Variants in CTU2 observed in about 807,000 individuals in gnomAD.
CTU2 encodes the protein cytosolic thiouridylase subunit 2, also known as cytoplasmic tRNA 2-thiolation protein 2.
CTU2 carries 80 observed loss-of-function variants against 64.1 expected under a neutral mutation model. The observed-to-expected ratio is 1.25, with a 90% CI of 1.04 to 1.50. The LOEUF (loss-of-function observed/expected upper bound fraction) is 1.50, where lower values mean the gene tolerates loss of function less well. Among genes scored for constraint, CTU2 ranks in the 40% most tolerant of loss-of-function variants. The pLI is 0.00. For missense variants in CTU2, 1,110 were observed against 690.2 expected, an observed-to-expected ratio of 1.61 and a Z score of -6.81; for synonymous variants, 482 against 285.3, an observed-to-expected ratio of 1.69 and a Z score of -6.95.
chr16:88,715,025 C>G lies in CTU2; in HGVS notation c.1420-23C>G, dbSNP rs183865528. 3.1e-4 allele frequency: 492 copies of G among 1,579,170 alleles called. 1 individual carries two copies. In the African/African-American group the frequency reaches 5.9e-3, roughly 19 times the overall value. ...GGGGTGCTGGCAGGTTTCTTGGCCC[C>G]TCGACACCGGCCTCTGTTGCAGCCC... On this transcript the variant is annotated intron_variant, in intron 13 of 14. Coordinates refer to ENST00000453996, the MANE Select transcript of CTU2 (RefSeq NM_001012759.3).
intron 9 of CTU2, 77 bp downstream of exon 9, chr16:88,713,855 G>C: frequency 1.9e-6 from 3 of 1,577,098 alleles, no homozygotes; most frequent in South Asian, 2.3e-5. Flanking sequence ...GCCTCTCACA[G>C]GCTCAGGTCA....
chr16:88,714,017 C>G, intron 9 of CTU2, 119 bp from the exon 10 acceptor site: 9 of 1,136,282 alleles, frequency 7.9e-6, no homozygotes, highest in East Asian at 2.4e-5. Flanking sequence ...GCAGTCGCAG[C>G]AAAGCCAGAC....
intron 7 of CTU2, 34 bp from the exon 8 acceptor site, chr16:88,713,256 GCCCCCCTTCCCCGGGTCCTGCA>G (rs1158774343): frequency 3.9e-6 from 5 of 1,284,272 alleles, no homozygotes; most frequent in Non-Finnish European, 5.3e-6. Context: ...ATACCCGAGA[GCCCCCCTTCCCCGGGTCCTGCA>G]CCCCCCAGGC....
chr16:88,709,828 T>C, intron 2 of CTU2, 110 bp from the exon 3 acceptor site: 1 of 928,794 alleles, frequency 1.1e-6, no homozygotes, highest in Non-Finnish European at 1.7e-6. Flanking sequence ...GTGAAGATGC[T>C]GCTTTTAAAG....
intron 2 of CTU2, among the ~76,000 whole-genome samples, chr16:88,708,626 C>T (rs530164159): frequency 5.9e-5 from 9 of 152,274 alleles, no homozygotes; most frequent in African/African-American, 1.7e-4. Flanking sequence ...TGCTGTTAAA[C>T]ACAGACTTGC....
chr16:88,714,068 G>A (rs1911631718), intron 9 of CTU2, 68 bp from the exon 10 acceptor site: 3 of 1,473,386 alleles, frequency 2.0e-6, no homozygotes, highest in Non-Finnish European at 2.8e-6. Flanking sequence ...CACCTGTCCT[G>A]GGGACTCTGC....
rs201768632 is a variant in CTU2 at position 88,714,263 on chromosome 16, G to A, written c.1097+36G>A. Reference sequence around the variant, plus strand: ...GTGTGGGTGTGTGCGGGGGGTGCGCGGGTGTGTGCTGTGCGCGGGTGTGTG... The same window carrying A: ...GTGTGGGTGTGTGCGGGGGGTGCGCAGGTGTGTGCTGTGCGCGGGTGTGTG... On this transcript the variant is annotated intron_variant, in intron 10 of 14. Coordinates refer to ENST00000453996, the MANE Select transcript of CTU2 (RefSeq NM_001012759.3). 528 of 1,598,200 alleles carry A rather than the reference G, an allele frequency of 3.3e-4. 1 individual carries two copies. In the African/African-American group the frequency reaches 5.8e-3, roughly 18 times the overall value.
In CTU2 at chr16:88,714,669, AC is replaced by A; in HGVS notation, c.1289del (p.Pro430ArgfsTer39). 1 of 1,611,686 alleles carries A rather than the reference AC, an allele frequency of 6.2e-7. No individual in the cohort carries two copies. The highest frequency in any genetic ancestry group is 8.5e-7 in the Non-Finnish European group (1 of 1,179,640). The part of the protein sequence containing the change: ...SPIPLTETRT[P>X]PGPCCSPGVG... ...CCATCCCCCTGACTGAGACCCGGAC[AC>A]CCCCGGGGCCCTGCTGTTCTCCAGG... On this transcript the variant is annotated frameshift_variant, in exon 12 of 15. Transcript: ENST00000453996. LOFTEE classifies it high-confidence loss of function.
At position 88,714,065 on chromosome 16, in the gene CTU2, C is replaced by A. The variant is rs569895054; in HGVS notation, c.1006-71C>A. ...GCAGCGTGGAACCCACGGCACCTGT[C>A]CTGGGGACTCTGCCCCAGCCTGGGG... is the stretch of plus-strand genomic sequence containing the variant. On this transcript the variant is annotated intron_variant, in intron 9 of 14. Transcript: ENST00000453996. The A allele has an allele frequency of 4.3e-4, 633 of 1,460,874 alleles. 4 individuals carry two copies. In the African/African-American group the frequency reaches 7.5e-3, roughly 17 times the overall value. The allele number at this position is 1,460,874 out of a possible 1,614,324, so 90.5% of individuals were successfully genotyped here.
At chr16:88,710,142 C>G (rs987697680) in intron 3 of CTU2, 81 bp from the exon 4 acceptor site, 2 of 1,580,198 alleles carry the variant, frequency 1.3e-6, no homozygotes, top group East Asian at 2.2e-5. Context: ...AGGACAGACT[C>G]GATGTCCTAG....
rs1266254832 is a variant in CTU2 at position 88,715,163 on chromosome 16, A to G, written c.1479-19A>G. ...GTAAGGGGCCTCGGGGCTGGTGCCC[A>G]CTGCAGCTTTCTCTCTAGGGCCTGG... On this transcript the variant is annotated intron_variant, in intron 14 of 14. Transcript: ENST00000453996. The G allele has an allele frequency of 5.6e-6, 9 of 1,611,116 alleles. No individual in the cohort carries two copies. The highest frequency in any genetic ancestry group is 7.6e-6 in the Non-Finnish European group (9 of 1,179,246).
rs199704078 is a variant in CTU2 at position 88,715,270 on chromosome 16, C to G, written c.*19C>G. 6.2e-7 allele frequency: 1 copy of G among 1,608,228 alleles called. No homozygotes were observed. The highest frequency in any genetic ancestry group is 8.5e-7 in the Non-Finnish European group (1 of 1,179,046). On this transcript the variant is annotated 3_prime_UTR_variant, in exon 15 of 15. Coordinates refer to ENST00000453996, the MANE Select transcript of CTU2 (RefSeq NM_001012759.3). ...GAGCTGAGCGTGAGGACGTGCTTGC[C>G]GGGACAGCAGGCAGTGGCCACCTGG...
chr16:88,714,850 G>T lies in CTU2; in HGVS notation c.1353-10G>T. 1.2e-6 allele frequency: 2 copies of T among 1,612,536 alleles called. No homozygotes were observed. The highest frequency in any genetic ancestry group is 1.7e-6 in the Non-Finnish European group (2 of 1,179,850). On this transcript the variant is annotated splice_polypyrimidine_tract_variant and intron_variant, in intron 12 of 14. Coordinates refer to ENST00000453996, the MANE Select transcript of CTU2 (RefSeq NM_001012759.3). ...CCAAGGTGGGCACACAGCCAGCTCTGCTCCCGCAGGGAGGACCCCCAAGCC... is the reference window on the plus strand; with the variant it reads ...CCAAGGTGGGCACACAGCCAGCTCTTCTCCCGCAGGGAGGACCCCCAAGCC...
At chr16:88,707,024 C>T (rs1053238352) in intron 1 of CTU2, 112 bp from the exon 2 acceptor site, 9 of 1,065,668 alleles carry the variant, frequency 8.4e-6, no homozygotes, top group Non-Finnish European at 8.7e-6. Flanking sequence ...ACCGAGGTGC[C>T]TTTCTCTGAC....
At chr16:88,712,477 A>G in intron 6 of CTU2, 94 bp downstream of exon 6, 1 of 1,446,150 alleles carries the variant, frequency 6.9e-7, no homozygotes, top group South Asian at 1.3e-5. Context: ...CTCATCCCAG[A>G]AGGCGGGGCT....
intron 4 of CTU2, 143 bp downstream of exon 4, chr16:88,710,425 T>G: frequency 1.3e-6 from 1 of 760,576 alleles, no homozygotes; most frequent in Non-Finnish European, 2.2e-6. Flanking sequence ...GGTTCTCAGA[T>G]GTGTTCACAA....
Position 88,713,782 on chromosome 16 carries a change from G to T in CTU2, c.1005+4G>T, listed in dbSNP as rs1191849518. 6.2e-7 allele frequency: 1 copy of T among 1,612,396 alleles called. No homozygotes were observed. The highest frequency in any genetic ancestry group is 8.5e-7 in the Non-Finnish European group (1 of 1,179,660). ...CACACCAGCCGTCGACACCAAGGTG[G>T]GCCTTGTGGGCTGGGCAACCTCTCT... On this transcript the variant is annotated splice_donor_region_variant and intron_variant, in intron 9 of 14. Coordinates refer to ENST00000453996, the MANE Select transcript of CTU2 (RefSeq NM_001012759.3).
intron 2 of CTU2, among the ~76,000 whole-genome samples, chr16:88,708,452 G>C (rs1024655243): frequency 6.6e-6 from 1 of 152,188 alleles, no homozygotes; most frequent in African/African-American, 2.4e-5. Flanking sequence ...CCAGCTGGTG[G>C]TGTAGGGCGC....
At position 88,706,560 on chromosome 16, in the gene CTU2, GCCGGCGCCTGAGGAGCCGCCC is replaced by G. The variant is rs1435342970; in HGVS notation, c.39_59del (p.Glu14_Pro20del). The G allele has an allele frequency of 5.5e-6, 8 of 1,458,760 alleles. No homozygotes were observed. The Admixed American group carries it at 7.8e-5, about 14-fold the overall frequency. 90.4% of individuals were successfully genotyped at this position (1,458,760 alleles called of 1,614,324 possible). A position where few individuals can be genotyped will look rare whatever the true frequency, so the allele number is the denominator to read the frequency against. ...GTCAGGTGGGCGAGGACTACGGGGA[GCCGGCGCCTGAGGAGCCGCCC>G]CCGGCGCCGCGGCCCAGGTAAGAGC... is the stretch of plus-strand genomic sequence containing the variant. On this transcript the variant is annotated inframe_deletion, in exon 1 of 15. Coordinates refer to ENST00000453996, the MANE Select transcript of CTU2 (RefSeq NM_001012759.3).
Sources: allele counts gnomAD v4.1 joint callset (sites outside exome capture counted in the v4.1 genomes callset), GRCh38; gene constraint gnomAD v4.1.1; transcripts MANE v1.5; gene names NCBI Gene and HGNC (gene_info 2026-07-23, HGNC 2026-07-21).